The following ROBO1 variants were observed in gnomAD, a reference collection of about 807,000 sequenced individuals.
ROBO1 encodes roundabout guidance receptor 1, also known as roundabout homolog 1.
Under a neutral mutation model 195.9 loss-of-function variants are expected in ROBO1, and 149 were observed. The ratio of observed to expected loss-of-function variants is 0.76; its 90% confidence interval spans 0.67 to 0.87. ROBO1 has a LOEUF of 0.87. Ranked by LOEUF, ROBO1 falls within the 40% of genes least tolerant of loss-of-function variation. ROBO1 has a pLI of 0.00. For missense variants in ROBO1, 1,933 were observed against 2,068.3 expected (o/e 0.93, Z 1.27); for synonymous variants, 816 against 733.2 (o/e 1.11, Z -1.82).
chr3:79,725,855 CTT>C (rs1702900249), intron 1 of ROBO1, among the ~76,000 whole-genome samples: 1 of 151,706 alleles, frequency 6.6e-6, no homozygotes, highest in African/African-American at 2.4e-5. Flanking sequence ...TTAAGGGTCT[CTT>C]TTGCCACGTT....
chr3:79,086,371 A>G (rs951624860), intron 3 of ROBO1, among the ~76,000 whole-genome samples: 1 of 152,168 alleles, frequency 6.6e-6, no homozygotes, highest in Non-Finnish European at 1.5e-5. Flanking sequence ...AGTTTAACAC[A>G]CTGGCATAAT....
At chr3:78,994,979 A>G (rs1043192349) in intron 3 of ROBO1, among the ~76,000 whole-genome samples, 6 of 152,182 alleles carry the variant, frequency 3.9e-5, no homozygotes, top group South Asian at 2.1e-4. Context: ...CTACCAGGAC[A>G]GTTTTCATAT....
In ROBO1 at chr3:78,879,655, G is replaced by A. The variant is rs1203835516; in HGVS notation, c.499+58946C>T. 2.0e-5 allele frequency among the ~76,000 whole-genome samples: 3 copies of A among 150,756 alleles called. No individual in the cohort carries two copies. In the East Asian group the frequency reaches 5.9e-4, roughly 29 times the overall value. ...TGACCATTTCAGGGAAAAAAAAAAA[G>A]AACAATAAAAACGTAGTCGGAAGCA... On this transcript the variant is annotated intron_variant, in intron 4 of 30. Transcript: ENST00000464233.
intron 4 of ROBO1, among the ~76,000 whole-genome samples, chr3:78,820,854 T>C (rs2030828355): frequency 6.6e-6 from 1 of 152,218 alleles, no homozygotes; most frequent in African/African-American, 2.4e-5. Flanking sequence ...GCTATGAGAT[T>C]TGTTCTAGCA....
intron 2 of ROBO1, among the ~76,000 whole-genome samples, chr3:79,432,995 A>T (rs1420781578): frequency 1.3e-5 from 2 of 152,206 alleles, no homozygotes; most frequent in African/African-American, 4.8e-5. Context: ...TTAAAATGTC[A>T]TTTTAGAAAA....
chr3:79,755,881 T>C (rs1704369744), intron 1 of ROBO1, among the ~76,000 whole-genome samples: 1 of 152,210 alleles, frequency 6.6e-6, no homozygotes. Flanking sequence ...ATCTGGCAGT[T>C]TGCATGTGCA....
In ROBO1 at chr3:78,861,346, G is replaced by A. The variant is rs528683255; in HGVS notation, c.499+77255C>T. 3.7e-4 allele frequency among the ~76,000 whole-genome samples: 56 copies of A among 152,078 alleles called. 1 individual carries two copies. The highest frequency in any genetic ancestry group is 1.3e-3 in the African/African-American group (53 of 41,488). On this transcript the variant is annotated intron_variant, in intron 4 of 30. Transcript: ENST00000464233. The stretch of plus-strand genomic sequence containing the variant: ...ATAATTGCCTCTTTCCATGTCTACC[G>A]GCACAATCCTAGCTTCTAATACGCC...
chr3:78,725,105 C>T (rs3773232), intron 5 of ROBO1, among the ~76,000 whole-genome samples: 35,234 of 152,018 alleles, frequency 0.23, 4,353 homozygotes, highest in East Asian at 0.47. Flanking sequence ...AAATTCAAGG[C>T]AGAGGTCTTC....
intron 2 of ROBO1, among the ~76,000 whole-genome samples, chr3:79,457,698 G>T (rs988603120): frequency 2.0e-5 from 3 of 152,152 alleles, no homozygotes; most frequent in Non-Finnish European, 4.4e-5. Flanking sequence ...TTAAACAGCA[G>T]TTCCCCTGCA....
chr3:79,330,273 G>GTATATATATATATATATATATATATATA, intron 2 of ROBO1, among the ~76,000 whole-genome samples: 1 of 137,858 alleles, frequency 7.3e-6, no homozygotes, highest in Admixed American at 7.4e-5. Context: ...GTATATATAT[G>GTATATATATATATATATATATATATATA]TATATATATA....
chr3:78,975,342 A>G (rs914548790), intron 3 of ROBO1, among the ~76,000 whole-genome samples: 4 of 152,148 alleles, frequency 2.6e-5, no homozygotes, highest in African/African-American at 7.2e-5. Context: ...ATATAAGGGG[A>G]GTTTGATCAG....
intron 1 of ROBO1, among the ~76,000 whole-genome samples, chr3:79,677,971 G>A (rs914311636): frequency 2.6e-5 from 4 of 152,024 alleles, no homozygotes; most frequent in East Asian, 1.9e-4. Context: ...GTGGTAATTT[G>A]TTACATATCA....
At chr3:78,919,499 C>T (rs772378009) in intron 4 of ROBO1, among the ~76,000 whole-genome samples, 7 of 152,148 alleles carry the variant, frequency 4.6e-5, no homozygotes, top group Non-Finnish European at 1.0e-4. Context: ...TGTGCTAACA[C>T]GGTAAGCCAA....
chr3:79,253,163 AAG>A (rs200011077), intron 2 of ROBO1, among the ~76,000 whole-genome samples: 1,771 of 152,296 alleles, frequency 0.012, 34 homozygotes, highest in African/African-American at 0.038. Context: ...GTAGACAAAA[AAG>A]AAATTGCTTG....
intron 2 of ROBO1, among the ~76,000 whole-genome samples, chr3:79,555,753 T>C (rs903896101): frequency 6.6e-5 from 10 of 152,176 alleles, no homozygotes; most frequent in Non-Finnish European, 2.9e-5. Context: ...AGATTTCATA[T>C]AGAATCTGAA....
At chr3:79,006,800 G>A (rs2077634728) in intron 3 of ROBO1, among the ~76,000 whole-genome samples, 1 of 149,076 alleles carries the variant, frequency 6.7e-6, no homozygotes, top group Non-Finnish European at 1.5e-5. Flanking sequence ...GTTTTATTGT[G>A]AGACTGTGAC....
intron 1 of ROBO1, among the ~76,000 whole-genome samples, chr3:79,738,485 C>T (rs1427133999): frequency 6.6e-6 from 1 of 152,160 alleles, no homozygotes; most frequent in Non-Finnish European, 1.5e-5. Flanking sequence ...TATTCACCAG[C>T]CCTCCAGTTA....
chr3:78,843,216 C>A (rs542242499), intron 4 of ROBO1, among the ~76,000 whole-genome samples: 3 of 152,054 alleles, frequency 2.0e-5, no homozygotes, highest in Non-Finnish European at 2.9e-5. Context: ...TTTAAAATTT[C>A]TGAATATTAA....
intron 4 of ROBO1, among the ~76,000 whole-genome samples, chr3:78,937,291 CTTAT>C (rs1452251091): frequency 3.3e-5 from 5 of 151,502 alleles, no homozygotes; most frequent in African/African-American, 9.7e-5. Context: ...TAATTTTATG[CTTAT>C]TTAAGTTATA....
Sources: gnomAD v4.1 joint callset for allele counts (sites outside exome capture counted in the v4.1 genomes callset) on GRCh38, gnomAD v4.1.1 for gene constraint, MANE v1.5 for transcripts, NCBI Gene and HGNC (gene_info 2026-07-23, HGNC 2026-07-21) for gene names.